The following PTPRN2 variants were observed in gnomAD, a reference collection of about 807,000 sequenced individuals.
PTPRN2 encodes the protein protein tyrosine phosphatase receptor type N2, also known as receptor-type tyrosine-protein phosphatase N2.
A neutral mutation model predicts 118.8 loss-of-function variants in PTPRN2; 74 were observed. The ratio of observed to expected loss-of-function variants is 0.62; its 90% CI spans 0.52 to 0.76. PTPRN2 has a LOEUF of 0.76. Among genes scored for constraint, PTPRN2 ranks in the 30% least tolerant of loss-of-function variants. PTPRN2 has a pLI of 0.00. For missense variants in PTPRN2, 1,481 were observed against 1,394.4 expected, an observed-to-expected ratio of 1.06 and a Z score of -0.99; for synonymous variants, 641 against 608.0, an observed-to-expected ratio of 1.05 and a Z score of -0.80.
rs982800216 is a variant in PTPRN2 at position 157,764,134 on chromosome 7, T to C, written c.1789-81197A>G. On this transcript the variant is annotated intron_variant, in intron 12 of 22. Transcript: ENST00000389418. This position sits in a 1 kb window ranked among gnomAD's most constrained non-coding sequence, Gnocchi z 4.5. ...CTGAGGAATCGTAACTGGCACACTC[T>C]GCAGGGAGGAATATAGCATGATGCA... Among the ~76,000 whole-genome samples, 2 of 152,152 alleles carry C rather than the reference T, an allele frequency of 1.3e-5. No homozygotes were observed. Among genetic ancestry groups the C allele is most frequent in the African/African-American group, 4.8e-5 (2 of 41,418 alleles).
intron 5 of PTPRN2, among the ~76,000 whole-genome samples, chr7:158,179,543 C>T (rs1280253221): frequency 6.6e-6 from 1 of 152,016 alleles, no homozygotes; most frequent in Non-Finnish European, 1.5e-5. Context: ...GGGGTCTTAC[C>T]CATGAACTCT....
intron 5 of PTPRN2, among the ~76,000 whole-genome samples, chr7:158,171,304 C>CAT (rs1344939996): frequency 2.6e-3 from 73 of 28,080 alleles, no homozygotes; most frequent in African/African-American, 4.3e-3. Context: ...CATATATATA[C>CAT]ACACATATAT....
chr7:158,389,677 TG>T (rs1811774426), intron 2 of PTPRN2, among the ~76,000 whole-genome samples: 1 of 152,266 alleles, frequency 6.6e-6, no homozygotes, highest in South Asian at 2.1e-4. Flanking sequence ...CCAGCCTGGC[TG>T]CTGGAACCAG....
At chr7:158,434,907 A>G (rs1816473015) in intron 2 of PTPRN2, among the ~76,000 whole-genome samples, 1 of 152,314 alleles carries the variant, frequency 6.6e-6, no homozygotes, top group Admixed American at 6.5e-5. Context: ...ACATGCACAT[A>G]ACAAAATTGG....
intron 1 of PTPRN2, among the ~76,000 whole-genome samples, chr7:158,516,232 G>A (rs951836670): frequency 9.9e-5 from 15 of 152,140 alleles, no homozygotes; most frequent in Non-Finnish European, 1.3e-4. Context: ...GTAATCCCAG[G>A]GCTTTGGAAG....
In PTPRN2 at chr7:157,794,397, C is replaced by T. The variant is rs1203258097; in HGVS notation, c.1788+104276G>A. Among the ~76,000 whole-genome samples, 3 of 152,202 alleles carry T rather than the reference C, an allele frequency of 2.0e-5. No homozygotes were observed. The highest frequency in any genetic ancestry group is 1.9e-4 in the East Asian group (1 of 5,192). On this transcript the variant is annotated intron_variant, in intron 12 of 22. Transcript: ENST00000389418. The surrounding 1 kb of genome is among the most constrained non-coding windows in gnomAD (Gnocchi z 5.2). ...CCGGCCTACGGGCACTCGGGCAGTGCGGTGACCAATTATAGCGTCGACGAT... is the reference window on the plus strand; with the variant it reads ...CCGGCCTACGGGCACTCGGGCAGTGTGGTGACCAATTATAGCGTCGACGAT...
At chr7:157,639,468 T>C (rs1804538913) in intron 14 of PTPRN2, among the ~76,000 whole-genome samples, 1 of 152,226 alleles carries the variant, frequency 6.6e-6, no homozygotes, top group Non-Finnish European at 1.5e-5. Context: ...TTTCCAGTGA[T>C]ATGAAGAAGG....
At chr7:158,341,863 G>T (rs56381306) in intron 2 of PTPRN2, among the ~76,000 whole-genome samples, 1 of 84,742 alleles carries the variant, frequency 1.2e-5, no homozygotes, top group African/African-American at 5.5e-5. Context: ...ATAAGAGTGT[G>T]CCCCGCAGGC....
intron 1 of PTPRN2, 51 bp downstream of exon 1, chr7:158,587,507 C>T (rs1276399867): frequency 6.3e-6 from 7 of 1,110,026 alleles, no homozygotes; most frequent in Non-Finnish European, 7.7e-6. Context: ...CCTCTCACAA[C>T]GCCCCCAACT....
intron 12 of PTPRN2, among the ~76,000 whole-genome samples, chr7:157,821,765 CAAAT>C (rs1438283980): frequency 1.3e-5 from 2 of 152,052 alleles, no homozygotes; most frequent in East Asian, 1.9e-4. Flanking sequence ...AACAGGAAGA[CAAAT>C]AAACCAGAGG....
chr7:157,554,989 G>A (rs1798809838), intron 21 of PTPRN2, among the ~76,000 whole-genome samples: 1 of 151,536 alleles, frequency 6.6e-6, no homozygotes, highest in South Asian at 2.1e-4. Context: ...AGTGTGGCGG[G>A]CGTCCCAGTG....
At chr7:158,135,101 C>T (rs1168062462) in intron 8 of PTPRN2, among the ~76,000 whole-genome samples, 1 of 152,160 alleles carries the variant, frequency 6.6e-6, no homozygotes, top group East Asian at 1.9e-4. Context: ...TGCCAAAAGT[C>T]TTATGTCTAC....
At chr7:158,481,617 C>T (rs748549065) in intron 2 of PTPRN2, among the ~76,000 whole-genome samples, 31 of 152,304 alleles carry the variant, frequency 2.0e-4, no homozygotes, top group South Asian at 1.9e-3. Flanking sequence ...GCACATGCCA[C>T]CATGCCCGGC....
intron 11 of PTPRN2, among the ~76,000 whole-genome samples, chr7:157,982,970 G>A: frequency 1.3e-5 from 1 of 76,136 alleles, no homozygotes; most frequent in African/African-American, 5.6e-5. Context: ...GGAATGCAGA[G>A]TGCAGGGTCC....
chr7:158,490,726 C>T (rs1465370266), intron 1 of PTPRN2, among the ~76,000 whole-genome samples: 1 of 152,248 alleles, frequency 6.6e-6, no homozygotes, highest in African/African-American at 2.4e-5. Flanking sequence ...AGCACAGTGC[C>T]TTCAATGCTG....
chr7:158,332,224 C>G (rs113799284), intron 2 of PTPRN2, among the ~76,000 whole-genome samples: 1,720 of 145,112 alleles, frequency 0.012, no homozygotes, highest in African/African-American at 0.047. Context: ...CATCCACACT[C>G]TGTCCATAAG....
chr7:157,873,547 T>C (rs946777120), intron 12 of PTPRN2, among the ~76,000 whole-genome samples: 23 of 141,852 alleles, frequency 1.6e-4, no homozygotes, highest in East Asian at 5.1e-4. Flanking sequence ...GTCTGTCTCG[T>C]CGTGGGGGCC....
In PTPRN2 at chr7:157,710,762, T is replaced by A. The variant is rs1481040463; in HGVS notation, c.1789-27825A>T. On this transcript the variant is annotated intron_variant, in intron 12 of 22. Coordinates refer to ENST00000389418, the MANE Select transcript of PTPRN2 (RefSeq NM_002847.5). ...TTGCGCCTGGCCCTCAGCCCGCCCA[T>A]GTGCAGGAGGGGTTCCGGGGCAGCC... Among the ~76,000 whole-genome samples the A allele has an allele frequency of 2.2e-5, 2 of 89,686 alleles. 1 individual carries two copies. 58.8% of individuals were successfully genotyped at this position (89,686 alleles called of 152,430 possible).
At position 158,138,281 on chromosome 7, in the gene PTPRN2, G is replaced by T. The variant is rs200101781; in HGVS notation, c.1132+13C>A. On this transcript the variant is annotated intron_variant, in intron 7 of 22. Transcript: ENST00000389418. ...GCACCCCTGGGTGTGGGCACCCATG[G>T]CGCTGCAGTCACCTGGAAAGCTGTC... 12 of 1,611,010 alleles carry T rather than the reference G, an allele frequency of 7.4e-6. 1 individual carries two copies. In the African/African-American group the frequency reaches 1.2e-4, roughly 16 times the overall value.
Sources: gnomAD v4.1 joint callset for allele counts (sites outside exome capture counted in the v4.1 genomes callset) on GRCh38, gnomAD v4.1.1 for gene constraint, Gnocchi (gnomAD v3.1) non-coding constraint, MANE v1.5 for transcripts, NCBI Gene and HGNC (gene_info 2026-07-23, HGNC 2026-07-21) for gene names.